Variants in HPS5 observed in about 807,000 individuals in gnomAD.
HPS5 encodes BLOC-2 complex member HPS5.
A neutral mutation model predicts 128.0 loss-of-function variants in HPS5; 83 were observed. The observed-to-expected ratio is 0.65, with a 90% CI of 0.54 to 0.78. The LOEUF is 0.78. Among genes scored for constraint, HPS5 ranks in the 30% least tolerant of loss-of-function variants. HPS5 has a pLI of 0.00. For missense variants in HPS5, 1,281 were observed against 1,326.2 expected, an observed-to-expected ratio of 0.97 and a Z score of 0.53; for synonymous variants, 475 against 470.2, an observed-to-expected ratio of 1.01 and a Z score of -0.13.
intron 6 of HPS5, among the ~76,000 whole-genome samples, chr11:18,308,060 A>G (rs566242042): frequency 7.9e-5 from 12 of 152,316 alleles, no homozygotes; most frequent in Admixed American, 6.5e-4. Flanking sequence ...GCCCAGTGAA[A>G]AAAAGAAATG....
Position 18,296,967 on chromosome 11 carries a change from C to T in HPS5, c.1341G>A (p.Leu447=). The change falls in exon 12 of 23, where the codon TTG becomes TTA. Residue 447 remains leucine (L), a synonymous_variant. Transcript: ENST00000349215. The part of the protein sequence containing the change: ...SISSHESFSI[L]DSGIYRIISS... The stretch of plus-strand genomic sequence containing the variant: ...TAATGATACGATAAATACCAGAGTC[C>T]AAGATGCTGAAACTTTCCTAAAAAT... 3 of 1,590,530 alleles carry T rather than the reference C, an allele frequency of 1.9e-6. No individual in the cohort carries two copies. In the South Asian group the frequency reaches 3.3e-5, roughly 18 times the overall value.
chr11:18,291,676 C>T lies in HPS5; in HGVS notation c.2206G>A (p.Asp736Asn). The part of the protein sequence containing the change: ...PCAIASGLRN[D>N]LAELTTLCLE... The stretch of plus-strand genomic sequence containing the variant: ...CATAATGTTGTCAATTCAGCCAGGT[C>T]GTTCCGAAGACCACTTGCAATGGCG... The change falls in exon 16 of 23, where the codon GAC becomes AAC. Residue 736 changes from aspartate (D) to asparagine (N), a missense_variant. Transcript: ENST00000349215. The T allele has an allele frequency of 2.5e-6, 4 of 1,614,182 alleles. No homozygotes were observed. Among genetic ancestry groups the T allele is most frequent in the Non-Finnish European group, 3.4e-6 (4 of 1,180,028 alleles).
At chr11:18,281,253 GCATT>G (rs1276537518) in intron 22 of HPS5, among the ~76,000 whole-genome samples, 1 of 128,678 alleles carries the variant, frequency 7.8e-6, no homozygotes, top group African/African-American at 2.9e-5. Context: ...TAATTTTTTT[GCATT>G]TTTTTTTTTT....
At chr11:18,319,392 A>C (rs925001763) in intron 1 of HPS5, among the ~76,000 whole-genome samples, 2 of 152,130 alleles carry the variant, frequency 1.3e-5, no homozygotes, top group Admixed American at 1.3e-4. Context: ...CGCTCTAAGG[A>C]AAGTAGTACT....
intron 16 of HPS5, among the ~76,000 whole-genome samples, chr11:18,290,899 G>A (rs1040867911): frequency 6.6e-6 from 1 of 152,014 alleles, no homozygotes; most frequent in African/African-American, 2.4e-5. Context: ...TCCAGCCTGG[G>A]CACAGAGTGA....
intron 22 of HPS5, among the ~76,000 whole-genome samples, chr11:18,281,096 T>C (rs573927600): frequency 2.6e-5 from 4 of 151,952 alleles, no homozygotes; most frequent in South Asian, 2.1e-4. Flanking sequence ...TTTTTTTTTT[T>C]TTCAGAGTTT....
chr11:18,319,366 A>C (rs1195909614), intron 1 of HPS5, among the ~76,000 whole-genome samples: 1 of 152,016 alleles, frequency 6.6e-6, no homozygotes, highest in African/African-American at 2.4e-5. Context: ...ATTGAATTAA[A>C]GGGAACTGAA....
intron 22 of HPS5, chr11:18,280,500 T>C (rs968665703): frequency 2.9e-6 from 2 of 682,590 alleles, no homozygotes; most frequent in Non-Finnish European, 5.3e-6. Flanking sequence ...AAATTAAAAA[T>C]AGAATTACCA....
At chr11:18,285,489 G>C (rs1397948196) in intron 19 of HPS5, 30 bp from the exon 20 acceptor site, 1 of 1,421,302 alleles carries the variant, frequency 7.0e-7, no homozygotes, top group Non-Finnish European at 9.9e-7. Flanking sequence ...CAGTAAATTA[G>C]ATAGGAAATA....
chr11:18,305,925 G>A (rs1043917234), intron 7 of HPS5, among the ~76,000 whole-genome samples: 2 of 145,350 alleles, frequency 1.4e-5, no homozygotes, highest in African/African-American at 5.2e-5. Flanking sequence ...GTAGAGACGG[G>A]GTTTCACCGC....
At chr11:18,292,878 A>G in intron 15 of HPS5, 21 bp downstream of exon 15, 1 of 1,590,632 alleles carries the variant, frequency 6.3e-7, no homozygotes, top group Non-Finnish European at 8.6e-7. Flanking sequence ...CGTCACTATA[A>G]AAGTTTCTCA....
At chr11:18,309,586 A>G (rs1418073586) in intron 5 of HPS5, among the ~76,000 whole-genome samples, 1 of 152,226 alleles carries the variant, frequency 6.6e-6, no homozygotes, top group Non-Finnish European at 1.5e-5. Context: ...GAAAAAGACA[A>G]AATAAGTTTA....
chr11:18,308,263 CTTAA>C (rs1294073273), intron 6 of HPS5, among the ~76,000 whole-genome samples: 3 of 152,170 alleles, frequency 2.0e-5, no homozygotes, highest in African/African-American at 4.8e-5. Context: ...TCATAAAGCT[CTTAA>C]TTATTTTTCA....
chr11:18,317,714 G>A (rs370831456), intron 2 of HPS5, 37 bp downstream of exon 2: 153 of 1,601,632 alleles, frequency 9.6e-5, no homozygotes, highest in Non-Finnish European at 5.5e-5. Context: ...CAGAGAGCAC[G>A]TGAAAATGAA....
intron 18 of HPS5, chr11:18,286,961 A>C: frequency 1.6e-6 from 1 of 609,866 alleles, no homozygotes; most frequent in South Asian, 2.1e-5. Context: ...ACAAATAAAA[A>C]CCAGTGTGGC....
intron 1 of HPS5, among the ~76,000 whole-genome samples, chr11:18,320,027 TA>T (rs996758160): frequency 1.3e-5 from 2 of 151,840 alleles, no homozygotes; most frequent in Non-Finnish European, 2.9e-5. Flanking sequence ...TTAATCTCGG[TA>T]AAAAGAGAAT....
intron 1 of HPS5, among the ~76,000 whole-genome samples, chr11:18,319,036 T>C (rs1423821844): frequency 6.6e-6 from 1 of 151,228 alleles, no homozygotes; most frequent in Non-Finnish European, 1.5e-5. Flanking sequence ...GCAAGGAGAA[T>C]GTTCAGGAAA....
intron 16 of HPS5, among the ~76,000 whole-genome samples, chr11:18,289,491 A>G (rs1010071802): frequency 1.3e-5 from 2 of 152,178 alleles, no homozygotes; most frequent in Admixed American, 1.3e-4. Flanking sequence ...GTAAATTTCC[A>G]ATGAGTAATA....
chr11:18,295,075 G>A lies in HPS5; in HGVS notation c.1729C>T (p.Gln577Ter). 6.2e-7 allele frequency: 1 copy of A among 1,614,074 alleles called. No homozygotes were observed. Among genetic ancestry groups the A allele is most frequent in the Non-Finnish European group, 8.5e-7 (1 of 1,179,980 alleles). Residue 577 changes from glutamine to a stop codon, truncating the protein, a stop_gained, in exon 14 of 23, where the codon CAA becomes TAA. Transcript: ENST00000349215. LOFTEE classifies it high-confidence loss of function. ...GAACTCACATCCTCTTCACATGATT[G>A]CTCATCACCCCTGAGCTCTGGTCTC... ...KVRPELRGDEQSCEEDVSSDT... is the reference protein window; with the variant it reads ...KVRPELRGDE
Sources: gnomAD v4.1 joint callset for allele counts (sites outside exome capture counted in the v4.1 genomes callset) on GRCh38, gnomAD v4.1.1 for gene constraint, MANE v1.5 for transcripts, NCBI Gene and HGNC (gene_info 2026-07-23, HGNC 2026-07-21) for gene names.